Variants in CCDC141 observed in about 807,000 individuals in gnomAD.
CCDC141 encodes the protein coiled-coil domain containing 141.
In CCDC141, 168 loss-of-function variants were observed where a neutral mutation model predicts 181.0. That is an observed-to-expected ratio of 0.93 (90% confidence interval 0.82 to 1.05). The LOEUF is 1.05. Among genes scored for constraint, CCDC141 ranks in the 50% least tolerant of loss-of-function variants. The pLI is 0.00. For synonymous variants in CCDC141, 666 were observed against 642.3 expected (o/e 1.04, Z -0.56); for missense variants, 1,902 against 1,788.5 (o/e 1.06, Z -1.14).
chr2:178,944,777 T>C, intron 5 of CCDC141, 126 bp from the exon 6 acceptor site: 1 of 436,294 alleles, frequency 2.3e-6, no homozygotes, highest in Non-Finnish European at 4.1e-6. Flanking sequence ...ATAAACCATC[T>C]CATGTATTAA....
intron 2 of CCDC141, among the ~76,000 whole-genome samples, chr2:179,027,363 G>A (rs767701308): frequency 4.1e-4 from 62 of 152,004 alleles, no homozygotes; most frequent in Admixed American, 1.4e-3. Context: ...GAGAGTTTCC[G>A]GCCAGGCATG....
intron 23 of CCDC141, chr2:178,835,657 A>C (rs1684446525): frequency 6.6e-6 from 1 of 152,254 alleles, no homozygotes; most frequent in South Asian, 2.1e-4. Context: ...AATATTCTTC[A>C]ACGACACGTA....
chr2:178,927,522 C>T (rs1487248146), intron 6 of CCDC141, among the ~76,000 whole-genome samples: 2 of 151,962 alleles, frequency 1.3e-5, no homozygotes, highest in East Asian at 3.9e-4. Flanking sequence ...AGCCAGAGCA[C>T]TGAAGCAAGG....
chr2:178,853,256 G>C (rs752012283), intron 20 of CCDC141, among the ~76,000 whole-genome samples, 185 bp downstream of exon 20: 1 of 152,194 alleles, frequency 6.6e-6, no homozygotes, highest in Non-Finnish European at 1.5e-5. Context: ...TCTGCTGTCA[G>C]AAATTCCTCC....
chr2:178,837,112 G>C lies in CCDC141; in HGVS notation c.4107C>G (p.Phe1369Leu). The C allele has an allele frequency of 1.2e-6, 2 of 1,613,944 alleles. No individual in the cohort carries two copies. Among genetic ancestry groups the C allele is most frequent in the Non-Finnish European group, 1.7e-6 (2 of 1,179,952 alleles). ...TGCCTGATTGAAACCTGAGGCCCGA[G>C]AATGCATCAGAGGAAGCATGCAGCC... is the stretch of plus-strand genomic sequence containing the variant. ...QDRLHASSDAFSGLRFQSGTS... is the reference protein window; with the variant it reads ...QDRLHASSDALSGLRFQSGTS... The change falls in exon 23 of 24, where the codon TTC becomes TTG. Residue 1369 changes from phenylalanine (F) to leucine (L), a missense_variant. Physicochemically the swap from Phe to Leu is conservative, Grantham distance 22 (BLOSUM62 0). Transcript: ENST00000443758.
chr2:179,032,106 T>G (rs1034029357), intron 2 of CCDC141, among the ~76,000 whole-genome samples: 1 of 152,130 alleles, frequency 6.6e-6, no homozygotes, highest in South Asian at 2.1e-4. Context: ...TGCCTGAAAT[T>G]TGTACCCTGG....
At chr2:178,951,352 C>T (rs914910748) in intron 5 of CCDC141, among the ~76,000 whole-genome samples, 2 of 152,196 alleles carry the variant, frequency 1.3e-5, no homozygotes, top group African/African-American at 4.8e-5. Flanking sequence ...CAAAGTTTGA[C>T]ATTTTCATTT....
At chr2:178,950,040 A>G (rs16866574) in intron 5 of CCDC141, among the ~76,000 whole-genome samples, 7,135 of 152,312 alleles carry the variant, frequency 0.047, 217 homozygotes, top group South Asian at 0.079. Flanking sequence ...AGCAATTCAA[A>G]CGACCTTAAC....
chr2:178,890,137 CAAAGGTTGTG>C (rs1432688210), intron 8 of CCDC141, among the ~76,000 whole-genome samples: 1 of 151,880 alleles, frequency 6.6e-6, no homozygotes, highest in Non-Finnish European at 1.5e-5. Context: ...GTACAGAGAA[CAAAGGTTGTG>C]AAAGGAAATG....
At chr2:178,829,109 G>A (rs1394047746), downstream of CCDC141, among the ~76,000 whole-genome samples, 1 of 152,132 alleles carries the variant, frequency 6.6e-6, no homozygotes, top group African/African-American at 2.4e-5. Context: ...TATTGTTCTG[G>A]TTTAAAGAAA....
intron 17 of CCDC141, among the ~76,000 whole-genome samples, chr2:178,859,961 A>G (rs1173043177): frequency 1.3e-5 from 2 of 152,222 alleles, no homozygotes; most frequent in Non-Finnish European, 2.9e-5. Flanking sequence ...TGCTGCTGTC[A>G]AGGCCAATTT....
intron 5 of CCDC141, among the ~76,000 whole-genome samples, chr2:178,956,870 C>T (rs1387770437): frequency 6.6e-6 from 1 of 150,570 alleles, no homozygotes; most frequent in African/African-American, 2.4e-5. Context: ...AGAATCTGGG[C>T]TGAATGAGAA....
intron 8 of CCDC141, among the ~76,000 whole-genome samples, chr2:178,891,364 T>G (rs1219106481): frequency 6.6e-6 from 1 of 152,142 alleles, no homozygotes; most frequent in African/African-American, 2.4e-5. Context: ...TCTCAGTAAC[T>G]GGCCCAGTTC....
intron 7 of CCDC141, among the ~76,000 whole-genome samples, chr2:178,915,006 A>T (rs1688378901): frequency 6.6e-6 from 1 of 152,032 alleles, no homozygotes. Context: ...AACATGGCAA[A>T]ATCCCATCTC....
intron 8 of CCDC141, among the ~76,000 whole-genome samples, chr2:178,894,817 A>G (rs779373504): frequency 2.0e-5 from 3 of 152,138 alleles, no homozygotes; most frequent in Non-Finnish European, 4.4e-5. Flanking sequence ...AAGAGAAAAA[A>G]AAGGTAATAG....
intron 12 of CCDC141, chr2:178,876,009 G>A (rs1686344140): frequency 6.6e-6 from 1 of 152,072 alleles, no homozygotes; most frequent in African/African-American, 2.4e-5. Context: ...AGGAACATGG[G>A]CAAATTGCTT....
At chr2:178,982,113 A>G (rs892538911) in intron 2 of CCDC141, among the ~76,000 whole-genome samples, 2 of 152,184 alleles carry the variant, frequency 1.3e-5, no homozygotes, top group Non-Finnish European at 2.9e-5. Flanking sequence ...GGTAATCTGA[A>G]CAAGCCTATA....
intron 8 of CCDC141, among the ~76,000 whole-genome samples, chr2:178,904,295 C>A (rs1687854135): frequency 6.6e-6 from 1 of 152,176 alleles, no homozygotes. Context: ...TATTTCTAAT[C>A]TTAGTTGTGC....
chr2:179,041,503 T>TTTG, intron 2 of CCDC141, among the ~76,000 whole-genome samples: 1 of 143,190 alleles, frequency 7.0e-6, no homozygotes, highest in Non-Finnish European at 1.5e-5. Context: ...TTTTTTTTTT[T>TTTG]TTTTTTTTTT....
Sources: allele counts gnomAD v4.1 joint callset (sites outside exome capture counted in the v4.1 genomes callset), GRCh38; gene constraint gnomAD v4.1.1; transcripts MANE v1.5; gene names NCBI Gene and HGNC (gene_info 2026-07-23, HGNC 2026-07-21).